The following AP2A2 variants were observed in gnomAD, a reference collection of about 807,000 sequenced individuals.
The protein encoded by AP2A2 is AP-2 complex subunit alpha-2.
In AP2A2, 32 loss-of-function variants were observed where a neutral mutation model predicts 104.2. The observed-to-expected ratio is 0.31, with a 90% confidence interval of 0.23 to 0.41. The LOEUF (loss-of-function observed/expected upper bound fraction) is 0.41. Ranked by LOEUF, AP2A2 falls within the 10% of genes least tolerant of loss-of-function variation. AP2A2 has a pLI of 1.00. For synonymous variants in AP2A2, 539 were observed against 533.3 expected (o/e 1.01, Z -0.15); for missense variants, 912 against 1,261.0 (o/e 0.72, Z 4.19).
At chr11:951,359 T>C (rs1336069029) in intron 1 of AP2A2, among the ~76,000 whole-genome samples, 2 of 151,986 alleles carry the variant, frequency 1.3e-5, no homozygotes, top group Non-Finnish European at 2.9e-5. Flanking sequence ...AAACCCCACC[T>C]CTACTAAAAA....
rs760775428 is a variant in AP2A2 at position 993,389 on chromosome 11, G to A, written c.1550+8G>A. ...TGGAGACCCGAGATCCAGGTGAGAG[G>A]CCCTTTGCGAGTCGGGGCTGTGTGC... On this transcript the variant is annotated splice_region_variant and intron_variant, in intron 12 of 21. Coordinates refer to ENST00000448903, the MANE Select transcript of AP2A2 (RefSeq NM_012305.4). The surrounding 1 kb of genome is among the most constrained non-coding windows in gnomAD (Gnocchi z 8.2). The A allele has an allele frequency of 1.2e-6, 2 of 1,603,384 alleles. No individual in the cohort carries two copies. Among genetic ancestry groups the A allele is most frequent in the Non-Finnish European group, 1.7e-6 (2 of 1,176,162 alleles).
chr11:929,408 G>A (rs1029392014), intron 1 of AP2A2, among the ~76,000 whole-genome samples: 2 of 152,112 alleles, frequency 1.3e-5, no homozygotes, highest in Non-Finnish European at 2.9e-5. Context: ...TTTCCACAGC[G>A]GACAGTTGAA....
intron 3 of AP2A2, among the ~76,000 whole-genome samples, chr11:971,462 G>A (rs1347813850): frequency 2.6e-5 from 4 of 152,136 alleles, no homozygotes; most frequent in African/African-American, 4.8e-5. Context: ...ATCTTTAACC[G>A]GGGTGCTCAG....
intron 1 of AP2A2, among the ~76,000 whole-genome samples, chr11:936,542 C>T (rs1184821907): frequency 6.6e-6 from 1 of 152,042 alleles, no homozygotes; most frequent in Non-Finnish European, 1.5e-5. Context: ...CACAGCCACA[C>T]CTGGCTAATT....
In AP2A2 at chr11:993,429, C is replaced by T. The variant is rs747550087; in HGVS notation, c.1550+48C>T. ...GGGCTGTGTGCGCTCCGGCGGGCCT[C>T]TCGGTGGTCGGTGGCAAGAGGCGAG... On this transcript the variant is annotated intron_variant, in intron 12 of 21. Coordinates refer to ENST00000448903, the MANE Select transcript of AP2A2 (RefSeq NM_012305.4). The surrounding 1 kb of genome is among the most constrained non-coding windows in gnomAD (Gnocchi z 8.2). The T allele has an allele frequency of 2.7e-6, 4 of 1,457,392 alleles. No individual in the cohort carries two copies. Among genetic ancestry groups the T allele is most frequent in the East Asian group, 2.5e-5 (1 of 40,482 alleles). 90.3% of individuals were successfully genotyped at this position (1,457,392 alleles called of 1,614,324 possible).
At chr11:950,267 C>G (rs1167537032) in intron 1 of AP2A2, among the ~76,000 whole-genome samples, 1 of 150,834 alleles carries the variant, frequency 6.6e-6, no homozygotes, top group African/African-American at 2.4e-5. Context: ...CTATGAGACT[C>G]CTACCAAAAA....
intron 1 of AP2A2, chr11:933,465 T>A: frequency 2.2e-6 from 1 of 450,734 alleles, no homozygotes; most frequent in South Asian, 1.6e-5. Context: ...ACGAGAGAAT[T>A]TCCGGGTGGG....
In AP2A2 at chr11:977,386, A is replaced by G. The variant is rs114762092; in HGVS notation, c.603+162A>G. 9.5e-3 allele frequency among the ~76,000 whole-genome samples: 1,437 copies of G among 151,852 alleles called. 13 individuals are homozygous for G. Among genetic ancestry groups the G allele is most frequent in the Non-Finnish European group, 0.015 (1,030 of 67,950 alleles). On this transcript the variant is annotated intron_variant, in intron 5 of 21. Coordinates refer to ENST00000448903, the MANE Select transcript of AP2A2 (RefSeq NM_012305.4). The stretch of plus-strand genomic sequence containing the variant: ...CCACGGGGGCCCTTCCTGGGGCTGG[A>G]TGAGTAAGACTCCGCCTCTGCTCAT...
chr11:978,922 G>A lies in AP2A2; in HGVS notation c.603+1698G>A, dbSNP rs1291538542. 2.6e-5 allele frequency among the ~76,000 whole-genome samples: 4 copies of A among 152,268 alleles called. No individual in the cohort carries two copies. In the East Asian group the frequency reaches 5.8e-4, roughly 22 times the overall value. On this transcript the variant is annotated intron_variant, in intron 5 of 21. Transcript: ENST00000448903. ...GGTGGGGAGGGAGGTGATTTGGCCCGAGTGCTGCATGGGCACCGTGCCGAG... is the reference window on the plus strand; with the variant it reads ...GGTGGGGAGGGAGGTGATTTGGCCCAAGTGCTGCATGGGCACCGTGCCGAG...
intron 1 of AP2A2, among the ~76,000 whole-genome samples, chr11:955,580 C>T (rs574301442): frequency 7.2e-5 from 11 of 152,276 alleles, no homozygotes; most frequent in African/African-American, 2.2e-4. Flanking sequence ...TAAAGGTCCC[C>T]TGAGGGCAGA....
intron 4 of AP2A2, among the ~76,000 whole-genome samples, chr11:974,701 A>C (rs1854960296): frequency 1.3e-5 from 2 of 149,360 alleles, no homozygotes; most frequent in African/African-American, 4.9e-5. Context: ...AAAAAAAAAA[A>C]GAAAGCTGGG....
At chr11:985,902 C>A (rs757762782) in intron 8 of AP2A2, among the ~76,000 whole-genome samples, 1 of 152,202 alleles carries the variant, frequency 6.6e-6, no homozygotes, top group Non-Finnish European at 1.5e-5. Flanking sequence ...GGGGGGTGTG[C>A]GCGCATGTCC....
At chr11:981,127 C>G in intron 5 of AP2A2, 71 bp from the exon 6 acceptor site, 8 of 1,376,266 alleles carry the variant, frequency 5.8e-6, no homozygotes, top group Non-Finnish European at 8.0e-6. Context: ...TTAAGGTTTT[C>G]TTTGGAAGAT....
intron 6 of AP2A2, among the ~76,000 whole-genome samples, chr11:983,018 T>C (rs1197081658): frequency 1.0e-4 from 1 of 9,560 alleles, no homozygotes; most frequent in Non-Finnish European, 2.1e-4. Context: ...TTTCTTTTTC[T>C]TTTTTTTTTT....
chr11:1,002,255 T>C (rs1285430388), intron 15 of AP2A2, among the ~76,000 whole-genome samples: 1 of 152,246 alleles, frequency 6.6e-6, no homozygotes, highest in East Asian at 1.9e-4. Context: ...GAGTGCCCGC[T>C]GGCTGTGGGC....
At chr11:971,921 C>A in intron 3 of AP2A2, 141 bp from the exon 4 acceptor site, 1 of 772,188 alleles carries the variant, frequency 1.3e-6, no homozygotes, top group Admixed American at 2.9e-5. Flanking sequence ...AGAGGCGCCG[C>A]TCCCACAGCA....
At chr11:962,745 A>AT (rs770377732) in intron 2 of AP2A2, among the ~76,000 whole-genome samples, 64 of 151,600 alleles carry the variant, frequency 4.2e-4, no homozygotes, top group African/African-American at 1.0e-3. Context: ...AAAAAAAAAA[A>AT]TTTTGTTTTA....
chr11:925,872 A>C lies in AP2A2; in HGVS notation c.-150A>C, dbSNP rs568214156. ...TACGTGCGCGCGCGCGGCGGCCCAG[A>C]AAGCGGCGCTGGGACCCTGAGGCGG... On this transcript the variant is annotated 5_prime_UTR_variant, in exon 1 of 22. Coordinates refer to ENST00000448903, the MANE Select transcript of AP2A2 (RefSeq NM_012305.4). 3.3e-5 allele frequency: 15 copies of C among 454,186 alleles called. No individual in the cohort carries two copies. Among genetic ancestry groups the C allele is most frequent in the Non-Finnish European group, 3.1e-5 (9 of 289,114 alleles). The allele number at this position is 454,186 out of a possible 1,614,324, so 28.1% of individuals were successfully genotyped here. A position where few individuals can be genotyped will look rare whatever the true frequency, so the allele number is the denominator to read the frequency against.
At chr11:960,124 G>A (rs929905974) in intron 2 of AP2A2, among the ~76,000 whole-genome samples, 1 of 152,156 alleles carries the variant, frequency 6.6e-6, no homozygotes, top group Non-Finnish European at 1.5e-5. Context: ...CGGGGAGAGG[G>A]CTGAGCCTGA....
Sources: gnomAD v4.1 joint callset for allele counts (sites outside exome capture counted in the v4.1 genomes callset) on GRCh38, gnomAD v4.1.1 for gene constraint, Gnocchi (gnomAD v3.1) non-coding constraint, MANE v1.5 for transcripts, NCBI Gene and HGNC (gene_info 2026-07-23, HGNC 2026-07-21) for gene names.